Variants in RNGTT observed in about 807,000 individuals in gnomAD.
RNGTT encodes the protein RNA guanylyltransferase and 5'-phosphatase, also known as mRNA-capping enzyme.
A neutral mutation model predicts 79.3 loss-of-function variants in RNGTT; 33 were observed. The ratio of observed to expected loss-of-function variants is 0.42; its 90% CI spans 0.32 to 0.56. The LOEUF (loss-of-function observed/expected upper bound fraction) is 0.56, where lower values mean the gene tolerates loss of function less well. Ranked by LOEUF, RNGTT falls within the 20% of genes least tolerant of loss-of-function variation. The pLI is 0.17. For synonymous variants in RNGTT, 222 were observed against 235.9 expected (o/e 0.94, Z 0.54); for missense variants, 497 against 739.1 (o/e 0.67, Z 3.80).
chr6:88,903,732 G>A (rs1783550993), intron 6 of RNGTT, among the ~76,000 whole-genome samples: 1 of 152,128 alleles, frequency 6.6e-6, no homozygotes, highest in African/African-American at 2.4e-5. Flanking sequence ...TAATAAATGA[G>A]TCGTGGTATA....
chr6:88,903,628 TACAA>T (rs1783547200), intron 6 of RNGTT, among the ~76,000 whole-genome samples: 1 of 152,190 alleles, frequency 6.6e-6, no homozygotes, highest in Non-Finnish European at 1.5e-5. Flanking sequence ...AACATTGTTT[TACAA>T]ACAAAAAAAA....
At chr6:88,659,825 A>C (rs1774116478) in intron 14 of RNGTT, among the ~76,000 whole-genome samples, 1 of 152,214 alleles carries the variant, frequency 6.6e-6, no homozygotes, top group Non-Finnish European at 1.5e-5. Context: ...TCATCACAAA[A>C]AGATGATTGC....
intron 13 of RNGTT, among the ~76,000 whole-genome samples, chr6:88,745,941 G>C (rs1777645719): frequency 6.6e-6 from 1 of 152,158 alleles, no homozygotes; most frequent in Admixed American, 6.5e-5. Flanking sequence ...TGTGATACAA[G>C]ATCAGGACCC....
At chr6:88,842,503 A>T (rs528544974) in intron 11 of RNGTT, among the ~76,000 whole-genome samples, 1 of 152,282 alleles carries the variant, frequency 6.6e-6, no homozygotes, top group East Asian at 1.9e-4. Context: ...GGAGAAGATG[A>T]GGCATAAACA....
chr6:88,760,566 G>C (rs1434963729), intron 13 of RNGTT, among the ~76,000 whole-genome samples: 1 of 151,946 alleles, frequency 6.6e-6, no homozygotes, highest in East Asian at 1.9e-4. Flanking sequence ...AATACAACCA[G>C]CTACATACCA....
chr6:88,757,806 A>G (rs902803671), intron 13 of RNGTT, among the ~76,000 whole-genome samples: 56 of 152,342 alleles, frequency 3.7e-4, no homozygotes, highest in African/African-American at 1.0e-3. Context: ...AAGTCACACT[A>G]TAAGTTTTGA....
At chr6:88,745,509 GACA>G (rs1334634005) in intron 13 of RNGTT, among the ~76,000 whole-genome samples, 1 of 152,134 alleles carries the variant, frequency 6.6e-6, no homozygotes, top group Non-Finnish European at 1.5e-5. Flanking sequence ...ATGTTGAAAT[GACA>G]ACATTTTAGA....
chr6:88,734,686 A>G (rs927744262), intron 13 of RNGTT, among the ~76,000 whole-genome samples: 1 of 152,178 alleles, frequency 6.6e-6, no homozygotes, highest in African/African-American at 2.4e-5. Context: ...TCCTGACTTA[A>G]CGACAGTTGA....
intron 8 of RNGTT, among the ~76,000 whole-genome samples, chr6:88,864,953 T>G (rs576615392): frequency 1.3e-5 from 2 of 152,060 alleles, no homozygotes; most frequent in African/African-American, 4.8e-5. Context: ...AGTTACTGTT[T>G]AATGAGTATA....
chr6:88,704,735 A>G (rs1437549163), intron 13 of RNGTT, among the ~76,000 whole-genome samples: 1 of 152,164 alleles, frequency 6.6e-6, no homozygotes, highest in Non-Finnish European at 1.5e-5. Flanking sequence ...GGGTATCTTC[A>G]TTCAACATGG....
chr6:88,654,130 T>C (rs548191182), intron 14 of RNGTT, among the ~76,000 whole-genome samples: 1 of 151,832 alleles, frequency 6.6e-6, no homozygotes, highest in African/African-American at 2.4e-5. Context: ...AATCCCAAAA[T>C]GCTCTGTCAG....
At chr6:88,887,137 A>G (rs995766090) in intron 8 of RNGTT, among the ~76,000 whole-genome samples, 1 of 151,960 alleles carries the variant, frequency 6.6e-6, no homozygotes, top group African/African-American at 2.4e-5. Context: ...ATTCTTACAC[A>G]ATACCTTTTA....
intron 8 of RNGTT, among the ~76,000 whole-genome samples, chr6:88,887,453 ATT>A (rs1207566392): frequency 6.6e-6 from 1 of 152,128 alleles, no homozygotes; most frequent in Non-Finnish European, 1.5e-5. Flanking sequence ...CAAAAGATAG[ATT>A]TTACACTGGC....
intron 13 of RNGTT, among the ~76,000 whole-genome samples, chr6:88,760,240 T>C (rs528278924): frequency 2.6e-5 from 4 of 152,272 alleles, no homozygotes; most frequent in Admixed American, 6.5e-5. Flanking sequence ...TGGTTTTTGG[T>C]AAGCGGCCTG....
intron 14 of RNGTT, among the ~76,000 whole-genome samples, chr6:88,639,330 T>C (rs1262361556): frequency 6.6e-6 from 1 of 152,174 alleles, no homozygotes; most frequent in Non-Finnish European, 1.5e-5. Flanking sequence ...TTAAGACTAC[T>C]CATCAGCATA....
At chr6:88,690,240 A>G (rs1775430341) in intron 13 of RNGTT, among the ~76,000 whole-genome samples, 2 of 152,176 alleles carry the variant, frequency 1.3e-5, no homozygotes. Context: ...AATTAGAACA[A>G]TAAATGTACA....
Position 88,963,584 on chromosome 6 carries a change from G to T in RNGTT, c.-175C>A, listed in dbSNP as rs907945395. ...GGGGCGGCGCGCCACTTTCATTCAG[G>T]ATCAACTCCACAGCTCCAGGAGAAC... On this transcript the variant is annotated 5_prime_UTR_variant, in exon 1 of 16. Coordinates refer to ENST00000369485, the MANE Select transcript of RNGTT (RefSeq NM_003800.5). 5.4e-6 allele frequency: 3 copies of T among 559,868 alleles called. No homozygotes were observed. The highest frequency in any genetic ancestry group is 2.0e-5 in the African/African-American group (1 of 50,474). 34.7% of individuals were successfully genotyped at this position (559,868 alleles called of 1,614,324 possible). A position where few individuals can be genotyped will look rare whatever the true frequency, so the allele number is the denominator to read the frequency against.
At position 88,768,139 on chromosome 6, in the gene RNGTT, AGTGT is replaced by A. The variant is rs71021394; in HGVS notation, c.1439+1631_1439+1634del. 5.4e-5 allele frequency among the ~76,000 whole-genome samples: 8 copies of A among 148,812 alleles called. No homozygotes were observed. The South Asian group carries it at 1.1e-3, about 20-fold the overall frequency. On this transcript the variant is annotated intron_variant, in intron 13 of 15. Transcript: ENST00000369485. ...AATTAAGCCACAAACATTTAGGGAT[AGTGT>A]GTGTGTGTGTGTGTGTGTTTCTTTT...
At chr6:88,929,336 A>C in intron 2 of RNGTT, 69 bp from the exon 3 acceptor site, 1 of 940,880 alleles carries the variant, frequency 1.1e-6, no homozygotes, top group Non-Finnish European at 1.7e-6. Flanking sequence ...AAGTAGACTA[A>C]ATGGCAATAC....
Sources: gnomAD v4.1 joint callset for allele counts (sites outside exome capture counted in the v4.1 genomes callset) on GRCh38, gnomAD v4.1.1 for gene constraint, MANE v1.5 for transcripts, NCBI Gene and HGNC (gene_info 2026-07-23, HGNC 2026-07-21) for gene names.